The following CNGB3 variants were observed in gnomAD, a reference collection of about 807,000 sequenced individuals.
CNGB3 encodes the protein cyclic nucleotide-gated channel beta-3.
Under a neutral mutation model 92.8 loss-of-function variants are expected in CNGB3, and 86 were observed. The ratio of observed to expected loss-of-function variants is 0.93; its 90% CI spans 0.78 to 1.11. The LOEUF (loss-of-function observed/expected upper bound fraction) is 1.11, where lower values mean the gene tolerates loss of function less well. Among genes scored for constraint, CNGB3 ranks in the 50% least tolerant of loss-of-function variants. CNGB3 has a pLI of 0.00. For synonymous variants in CNGB3, 333 were observed against 332.7 expected, an observed-to-expected ratio of 1.00 and a Z score of -0.01; for missense variants, 1,026 against 956.8, an observed-to-expected ratio of 1.07 and a Z score of -0.95.
Position 86,642,988 on chromosome 8 carries a change from C to T in CNGB3, c.1178+763G>A, listed in dbSNP as rs143861334. On this transcript the variant is annotated intron_variant, in intron 10 of 17. Transcript: ENST00000320005. ...ATTAACATTGTTCATTACTAACAATCGGCATCGGAGTTATTAAAAGTTACC... is the reference window on the plus strand; with the variant it reads ...ATTAACATTGTTCATTACTAACAATTGGCATCGGAGTTATTAAAAGTTACC... Among the ~76,000 whole-genome samples the T allele has an allele frequency of 5.1e-4, 77 of 151,552 alleles. 1 individual carries two copies. The highest frequency in any genetic ancestry group is 2.6e-4 in the Admixed American group (4 of 15,178).
At chr8:86,703,086 T>A (rs1824584445) in intron 3 of CNGB3, among the ~76,000 whole-genome samples, 1 of 152,172 alleles carries the variant, frequency 6.6e-6, no homozygotes, top group Admixed American at 6.5e-5. Flanking sequence ...GTTTACCATC[T>A]AACACCATTT....
intron 15 of CNGB3, among the ~76,000 whole-genome samples, chr8:86,586,737 T>C (rs1234264928): frequency 6.7e-6 from 1 of 149,790 alleles, no homozygotes; most frequent in Non-Finnish European, 1.5e-5. Context: ...AGTCTATCAT[T>C]GTTGGACATT....
intron 3 of CNGB3, among the ~76,000 whole-genome samples, chr8:86,698,229 T>C (rs907433961): frequency 6.6e-6 from 1 of 152,228 alleles, no homozygotes; most frequent in Non-Finnish European, 1.5e-5. Context: ...TATTAGTAAA[T>C]GAAGATTCTT....
At chr8:86,715,274 G>T (rs1238465178) in intron 3 of CNGB3, among the ~76,000 whole-genome samples, 1 of 152,086 alleles carries the variant, frequency 6.6e-6, no homozygotes, top group African/African-American at 2.4e-5. Flanking sequence ...TACAACCAAA[G>T]ACCTGCACAG....
chr8:86,643,656 T>C, intron 10 of CNGB3, 95 bp downstream of exon 10: 1 of 1,396,448 alleles, frequency 7.2e-7, no homozygotes, highest in South Asian at 1.2e-5. Flanking sequence ...GAATGGGTTA[T>C]GACAGCTTCA....
intron 3 of CNGB3, among the ~76,000 whole-genome samples, chr8:86,703,557 A>G (rs558556421): frequency 6.6e-6 from 1 of 152,238 alleles, no homozygotes; most frequent in East Asian, 1.9e-4. Context: ...GTGTGAGTGC[A>G]TGTTTATGGG....
intron 3 of CNGB3, among the ~76,000 whole-genome samples, chr8:86,699,653 A>C (rs1476051658): frequency 1.3e-5 from 2 of 152,222 alleles, no homozygotes; most frequent in East Asian, 3.8e-4. Context: ...AACTGCTGAA[A>C]GCTTTCAAGT....
intron 3 of CNGB3, among the ~76,000 whole-genome samples, chr8:86,710,178 G>T (rs762771620): frequency 1.3e-5 from 2 of 152,186 alleles, no homozygotes; most frequent in Non-Finnish European, 2.9e-5. Context: ...TAGGTTGCTT[G>T]TAAGTGGTTT....
At chr8:86,714,857 G>C (rs1212460948) in intron 3 of CNGB3, among the ~76,000 whole-genome samples, 2 of 152,178 alleles carry the variant, frequency 1.3e-5, no homozygotes, top group East Asian at 3.9e-4. Flanking sequence ...GAGCGGGTGA[G>C]GCCTGTGACT....
intron 3 of CNGB3, among the ~76,000 whole-genome samples, chr8:86,688,287 C>T (rs1277059936): frequency 1.3e-5 from 2 of 152,026 alleles, no homozygotes; most frequent in East Asian, 1.9e-4. Flanking sequence ...TCTAAAACTA[C>T]ACGGCACAAA....
At chr8:86,665,211 A>G (rs1041423291) in intron 6 of CNGB3, among the ~76,000 whole-genome samples, 8 of 152,172 alleles carry the variant, frequency 5.3e-5, no homozygotes, top group African/African-American at 1.2e-4. Context: ...CAAAACCACA[A>G]TGAGATACCA....
chr8:86,650,117 CAAGTT>C (rs1480844670), intron 7 of CNGB3, among the ~76,000 whole-genome samples: 1 of 151,446 alleles, frequency 6.6e-6, no homozygotes, highest in African/African-American at 2.4e-5. Flanking sequence ...ATCTTTGTAA[CAAGTT>C]AAGAAGTGTA....
intron 15 of CNGB3, among the ~76,000 whole-genome samples, chr8:86,581,539 G>A (rs1821765532): frequency 6.6e-6 from 1 of 152,096 alleles, no homozygotes; most frequent in Non-Finnish European, 1.5e-5. Context: ...CTACTATTTA[G>A]AGAAAAATAC....
At chr8:86,727,004 A>G (rs1825071539) in intron 2 of CNGB3, among the ~76,000 whole-genome samples, 1 of 152,148 alleles carries the variant, frequency 6.6e-6, no homozygotes, top group Admixed American at 6.5e-5. Flanking sequence ...TATACGGTAT[A>G]CTCTATGGAT....
At chr8:86,673,449 G>A (rs1823905314) in intron 3 of CNGB3, among the ~76,000 whole-genome samples, 1 of 152,100 alleles carries the variant, frequency 6.6e-6, no homozygotes, top group Non-Finnish European at 1.5e-5. Context: ...GGCAGAGGGT[G>A]GCAGGAGTGA....
At chr8:86,598,307 C>T (rs1017306286) in intron 15 of CNGB3, among the ~76,000 whole-genome samples, 3 of 152,278 alleles carry the variant, frequency 2.0e-5, no homozygotes, top group South Asian at 2.1e-4. Flanking sequence ...GATGGATGAA[C>T]TGAAGTAGTG....
intron 11 of CNGB3, among the ~76,000 whole-genome samples, chr8:86,631,465 C>T (rs1563733397): frequency 6.6e-6 from 1 of 152,152 alleles, no homozygotes; most frequent in Non-Finnish European, 1.5e-5. Context: ...ATGTATGAAT[C>T]AGGGATGCCT....
chr8:86,724,757 G>T (rs1301832695), intron 3 of CNGB3, among the ~76,000 whole-genome samples: 1 of 152,050 alleles, frequency 6.6e-6, no homozygotes, highest in Non-Finnish European at 1.5e-5. Context: ...AGAATGAATA[G>T]AAGTTAATTA....
At chr8:86,613,698 A>G (rs115512165) in intron 13 of CNGB3, among the ~76,000 whole-genome samples, 2,538 of 151,914 alleles carry the variant, frequency 0.017, 61 homozygotes, top group African/African-American at 0.058. Context: ...TTTTGGCACT[A>G]ATTTTTAAGG....
Sources: allele counts gnomAD v4.1 joint callset (sites outside exome capture counted in the v4.1 genomes callset), GRCh38; gene constraint gnomAD v4.1.1; transcripts MANE v1.5; gene names NCBI Gene and HGNC (gene_info 2026-07-23, HGNC 2026-07-21).